ATG4D: variants seen among roughly 807,000 people sequenced by gnomAD.
ATG4D encodes cysteine protease ATG4D.
In ATG4D, 51 loss-of-function variants were observed where a neutral mutation model predicts 55.2. That is an observed-to-expected ratio of 0.92 (90% CI 0.74 to 1.17). The LOEUF (loss-of-function observed/expected upper bound fraction) is 1.17. ATG4D is among the 50% of genes most tolerant of loss of function. The pLI, the probability that ATG4D is intolerant of heterozygous loss-of-function variation, is 0.00. For missense variants in ATG4D, 635 were observed against 649.6 expected (o/e 0.98, Z 0.25); for synonymous variants, 268 against 266.2 (o/e 1.01, Z -0.07).
In ATG4D at chr19:10,553,146, G is replaced by C. The variant is rs1916355891; in HGVS notation, c.*79G>C. The C allele has an allele frequency of 6.9e-7, 1 of 1,454,308 alleles. No homozygotes were observed. The highest frequency in any genetic ancestry group is 2.5e-5 in the East Asian group (1 of 40,604). The allele number at this position is 1,454,308 out of a possible 1,614,324, so 90.1% of individuals were successfully genotyped here. On this transcript the variant is annotated 3_prime_UTR_variant, in exon 10 of 10. Coordinates refer to ENST00000309469, the MANE Select transcript of ATG4D (RefSeq NM_032885.6). ...TGTCGGGTGTGGGATCTTGAGCTCT[G>C]GCAGTGATGATGGTACTTCCTGTTG...
In ATG4D at chr19:10,547,056, G is replaced by T; in HGVS notation, c.711G>T (p.Gln237His). The change falls in exon 4 of 10, where the codon CAG (glutamine) becomes CAT (histidine). Residue 237 changes from glutamine to histidine, a missense_variant. By Grantham distance (24) the Gln-to-His change is conservative. Transcript: ENST00000309469. ...TACACCGGCTGGTGGAGCTTGGGCA[G>T]AGCTCAGGCAAGAAGGCAGGTGACT... is the stretch of plus-strand genomic sequence containing the variant. Reference protein sequence around the residue: ...FGLHRLVELGQSSGKKAGDWY... With the variant: ...FGLHRLVELGHSSGKKAGDWY... 6.3e-7 allele frequency: 1 copy of T among 1,588,134 alleles called. No individual in the cohort carries two copies. Among genetic ancestry groups the T allele is most frequent in the Admixed American group, 1.9e-5 (1 of 53,430 alleles).
At chr19:10,546,352 A>AT (rs532503665) in intron 3 of ATG4D, among the ~76,000 whole-genome samples, 2,274 of 145,744 alleles carry the variant, frequency 0.016, 54 homozygotes, top group African/African-American at 0.052. Context: ...TATTATTATT[A>AT]TTTTTTTTTT....
At position 10,552,356 on chromosome 19, in the gene ATG4D, G is replaced by C. The variant is rs368055589; in HGVS notation, c.1242+32G>C. 17 of 1,593,790 alleles carry C rather than the reference G, an allele frequency of 1.1e-5. No individual in the cohort carries two copies. In the African/African-American group the frequency reaches 1.9e-4, roughly 18 times the overall value. On this transcript the variant is annotated intron_variant, in intron 9 of 9. Coordinates refer to ENST00000309469, the MANE Select transcript of ATG4D (RefSeq NM_032885.6). ...AAGAGGAAAGCTGGAGTGGGGTGAG[G>C]GGGGCGGTTGGGCAGGGCTGGGGGT...
chr19:10,550,594 C>T (rs58265604), intron 6 of ATG4D, among the ~76,000 whole-genome samples: 11,070 of 152,134 alleles, frequency 0.073, 1,149 homozygotes, highest in East Asian at 0.47. Flanking sequence ...CCTCCTCCCA[C>T]ACTCTGCTGC....
intron 3 of ATG4D, 142 bp from the exon 4 acceptor site, chr19:10,546,697 G>T: frequency 1.2e-6 from 1 of 864,250 alleles, no homozygotes; most frequent in Non-Finnish European, 1.7e-6. Flanking sequence ...AATAAATAAG[G>T]ATAAGTATAT....
intron 3 of ATG4D, 129 bp from the exon 4 acceptor site, chr19:10,546,710 T>C: frequency 1.0e-6 from 1 of 994,580 alleles, no homozygotes; most frequent in Non-Finnish European, 1.5e-6. Context: ...AAGTATATGT[T>C]TCAGGAATAT....
At position 10,548,957 on chromosome 19, in the gene ATG4D, TG is replaced by T; in HGVS notation, c.891del (p.Trp297Ter). ...GGCCAGGCCAGACCCCACAGCCGAG[TG>T]GAAGTCTGTGGTCATCCTGGTGCCC... ...LVARPDPTAE[W>X]KSVVILVPVR... On this transcript the variant is annotated frameshift_variant, in exon 6 of 10. Transcript: ENST00000309469. LOFTEE classifies it high-confidence loss of function. 6.2e-7 allele frequency: 1 copy of T among 1,613,932 alleles called. No homozygotes were observed. The highest frequency in any genetic ancestry group is 8.5e-7 in the Non-Finnish European group (1 of 1,179,976).
intron 5 of ATG4D, among the ~76,000 whole-genome samples, chr19:10,548,343 A>AT (rs1334445642): frequency 6.6e-6 from 1 of 151,670 alleles, no homozygotes; most frequent in Non-Finnish European, 1.5e-5. Context: ...ACCTCTGTAA[A>AT]TTTTTTATGC....
intron 6 of ATG4D, 129 bp downstream of exon 6, chr19:10,549,163 G>C: frequency 7.8e-7 from 1 of 1,281,892 alleles, no homozygotes; most frequent in South Asian, 1.6e-5. Context: ...CGCTCTTGTT[G>C]CCCAGGCTGG....
chr19:10,551,398 G>A (rs544853292), intron 6 of ATG4D, among the ~76,000 whole-genome samples: 72 of 152,040 alleles, frequency 4.7e-4, no homozygotes, highest in East Asian at 1.9e-4. Flanking sequence ...GGAGATGGAG[G>A]TTTCGGTGAG....
chr19:10,552,007 CCCCACCG>C, intron 7 of ATG4D, 31 bp from the exon 8 acceptor site: 1 of 1,603,490 alleles, frequency 6.2e-7, no homozygotes, highest in Non-Finnish European at 8.5e-7. Context: ...TCCTCCCACC[CCCCACCG>C]CACCCCCACT....
At position 10,544,132 on chromosome 19, in the gene ATG4D, CA is replaced by C; in HGVS notation, c.43del (p.Ser15AlafsTer56). ...SPAAAQYRSS[S>X]PEDARRRPEA... ...CGGCCGCCGCGCAGTACCGGAGCAG[CA>C]GCCCGGAGGACGCGCGCCGCCGGCC... On this transcript the variant is annotated frameshift_variant, in exon 1 of 10. Coordinates refer to ENST00000309469, the MANE Select transcript of ATG4D (RefSeq NM_032885.6). LOFTEE classifies it high-confidence loss of function. The C allele has an allele frequency of 1.6e-6, 2 of 1,243,640 alleles. No homozygotes were observed. Among genetic ancestry groups the C allele is most frequent in the Non-Finnish European group, 2.0e-6 (2 of 986,586 alleles). 77.0% of individuals were successfully genotyped at this position (1,243,640 alleles called of 1,614,324 possible). A position where few individuals can be genotyped will look rare whatever the true frequency, so the allele number is the denominator to read the frequency against.
intron 5 of ATG4D, 33 bp downstream of exon 5, chr19:10,547,286 C>T (rs1916068164): frequency 6.2e-7 from 1 of 1,602,196 alleles, no homozygotes; most frequent in African/African-American, 1.3e-5. Flanking sequence ...CACAGGGGCC[C>T]CACCCTGAGC....
At chr19:10,549,831 G>A (rs1916166554) in intron 6 of ATG4D, among the ~76,000 whole-genome samples, 1 of 152,174 alleles carries the variant, frequency 6.6e-6, no homozygotes, top group Non-Finnish European at 1.5e-5. Context: ...TGTGCCTGCT[G>A]GGAGCAGACG....
At position 10,549,032 on chromosome 19, in the gene ATG4D, A is replaced by C. The variant is rs759842805; in HGVS notation, c.964A>C (p.Lys322Gln). 3 of 1,614,000 alleles carry C rather than the reference A, an allele frequency of 1.9e-6. No homozygotes were observed. Residue 322 changes from lysine (K) to glutamine (Q), a missense_variant and splice_region_variant, in exon 6 of 10, where the codon AAG (lysine) becomes CAG (glutamine). Transcript: ENST00000309469. ...CAACCCCGTGTATGTGCCCTGCGTG[A>C]AGGTAGGTTCAGCTGAATTCTAGGA... The part of the protein sequence containing the change: ...TLNPVYVPCV[K>Q]ELLRCELCLG...
intron 6 of ATG4D, among the ~76,000 whole-genome samples, chr19:10,549,265 A>C (rs1394177736): frequency 6.6e-6 from 1 of 152,034 alleles, no homozygotes; most frequent in African/African-American, 2.4e-5. Context: ...TTAGGATTAC[A>C]GGCATGCGCC....
intron 9 of ATG4D, 116 bp downstream of exon 9, chr19:10,552,440 G>T (rs1378729098): frequency 3.0e-6 from 4 of 1,334,854 alleles, no homozygotes; most frequent in Admixed American, 5.4e-5. Flanking sequence ...CAGGCTAGGG[G>T]TCCTAACCTG....
At chr19:10,547,320 T>TA (rs1916070755) in intron 5 of ATG4D, 67 bp downstream of exon 5, 1 of 1,559,206 alleles carries the variant, frequency 6.4e-7, no homozygotes, top group South Asian at 1.1e-5. Flanking sequence ...ACCCGATTCT[T>TA]AGAGTGCATC....
chr19:10,546,408 A>C (rs1229185864), intron 3 of ATG4D, among the ~76,000 whole-genome samples: 1 of 150,106 alleles, frequency 6.7e-6, no homozygotes, highest in East Asian at 2.0e-4. Context: ...TGCAGTGGAG[A>C]GATCTTGGCT....
Sources: allele counts gnomAD v4.1 joint callset (sites outside exome capture counted in the v4.1 genomes callset), GRCh38; gene constraint gnomAD v4.1.1; transcripts MANE v1.5; gene names NCBI Gene and HGNC (gene_info 2026-07-23, HGNC 2026-07-21).